The following FAM227B variants were observed in gnomAD, a reference collection of about 807,000 sequenced individuals.
The protein encoded by FAM227B is protein FAM227B.
In FAM227B, 88 loss-of-function variants were observed where a neutral mutation model predicts 73.8. The observed-to-expected ratio is 1.19, with a 90% confidence interval of 1.00 to 1.42. The LOEUF is 1.42. Among genes scored for constraint, FAM227B ranks in the 40% most tolerant of loss-of-function variants. FAM227B has a pLI of 0.00. For synonymous variants in FAM227B, 210 were observed against 190.5 expected (o/e 1.10, Z -0.84); for missense variants, 632 against 590.9 (o/e 1.07, Z -0.72).
chr15:49,368,731 C>T (rs1210834038), intron 12 of FAM227B, among the ~76,000 whole-genome samples: 1 of 152,202 alleles, frequency 6.6e-6, no homozygotes, highest in Non-Finnish European at 1.5e-5. Context: ...TTTTGCAACA[C>T]TCTTCCTGTT....
At chr15:49,438,008 G>GATGTGGTTAAAATATGTTT (rs2051270323) in intron 11 of FAM227B, among the ~76,000 whole-genome samples, 1 of 151,648 alleles carries the variant, frequency 6.6e-6, no homozygotes, top group Non-Finnish European at 1.5e-5. Flanking sequence ...GGGGAAGGGA[G>GATGTGGTTAAAATATGTTT]TCAGAAGAAA....
At chr15:49,514,157 A>G (rs528200290) in intron 10 of FAM227B, among the ~76,000 whole-genome samples, 59 of 152,148 alleles carry the variant, frequency 3.9e-4, no homozygotes, top group African/African-American at 1.4e-3. Flanking sequence ...GTTTGATGGA[A>G]ATAGAATTAC....
rs552921263 is a variant in FAM227B, at chr15:49,515,236, C to T, written c.875-6888G>A. On this transcript the variant is annotated intron_variant, in intron 10 of 15. Coordinates refer to ENST00000299338, the MANE Select transcript of FAM227B (RefSeq NM_152647.3). ...TATGTTCAAGTTAATGGATTCTTTC[C>T]TTGGGTGTGACAAGTTTATGTGATA... is the stretch of plus-strand genomic sequence containing the variant. Among the ~76,000 whole-genome samples, 3 of 152,016 alleles carry T rather than the reference C, an allele frequency of 2.0e-5. No individual in the cohort carries two copies. In the East Asian group the frequency reaches 5.8e-4, roughly 29 times the overall value.
intron 9 of FAM227B, among the ~76,000 whole-genome samples, chr15:49,542,967 A>G (rs2071297836): frequency 6.6e-6 from 1 of 152,124 alleles, no homozygotes; most frequent in African/African-American, 2.4e-5. Context: ...TGCTATAAAC[A>G]TGCGTGTGCA....
At chr15:49,610,488 A>G (rs1013918045) in intron 3 of FAM227B, among the ~76,000 whole-genome samples, 1 of 151,710 alleles carries the variant, frequency 6.6e-6, no homozygotes, top group East Asian at 1.9e-4. Flanking sequence ...TTAAAAGTAG[A>G]TATTTCTGAA....
intron 11 of FAM227B, among the ~76,000 whole-genome samples, chr15:49,439,773 C>T (rs917105923): frequency 1.6e-4 from 25 of 151,736 alleles, no homozygotes; most frequent in African/African-American, 4.8e-4. Context: ...TACCCCACTT[C>T]GTAGCATTGA....
chr15:49,524,502 A>G (rs1306172225), intron 10 of FAM227B, among the ~76,000 whole-genome samples: 1 of 152,208 alleles, frequency 6.6e-6, no homozygotes, highest in East Asian at 1.9e-4. Context: ...ACCCTCATGG[A>G]GAATCTCTGC....
At chr15:49,601,146 A>AAAAGTG in intron 3 of FAM227B, among the ~76,000 whole-genome samples, 1 of 148,116 alleles carries the variant, frequency 6.8e-6, no homozygotes, top group South Asian at 2.2e-4. Context: ...CATCACTTTT[A>AAAAGTG]ATGGCAAAAA....
chr15:49,516,305 T>G (rs926643919), intron 10 of FAM227B, among the ~76,000 whole-genome samples: 1 of 152,112 alleles, frequency 6.6e-6, no homozygotes, highest in South Asian at 2.1e-4. Flanking sequence ...TTCTCTTTTA[T>G]CCGCACACTA....
chr15:49,347,308 A>G (rs2041650040), intron 13 of FAM227B, among the ~76,000 whole-genome samples: 1 of 152,210 alleles, frequency 6.6e-6, no homozygotes, highest in South Asian at 2.1e-4. Context: ...AACATTTTTG[A>G]AGTAGGAGAC....
At chr15:49,350,147 C>T (rs1275103614) in intron 13 of FAM227B, among the ~76,000 whole-genome samples, 1 of 152,134 alleles carries the variant, frequency 6.6e-6, no homozygotes, top group African/African-American at 2.4e-5. Flanking sequence ...TTTCTTCTTA[C>T]TCAAGGCAGT....
chr15:49,432,160 T>A (rs1227201464), intron 11 of FAM227B, among the ~76,000 whole-genome samples: 1 of 151,732 alleles, frequency 6.6e-6, no homozygotes, highest in East Asian at 1.9e-4. Context: ...ATATTTCCCA[T>A]TTTATCTGGC....
chr15:49,420,523 C>T (rs11070692), intron 11 of FAM227B, among the ~76,000 whole-genome samples: 104,729 of 151,916 alleles, frequency 0.69, 36,512 homozygotes, highest in African/African-American at 0.76. Context: ...TTTGCCTGTA[C>T]AAGCATAGCG....
intron 10 of FAM227B, among the ~76,000 whole-genome samples, chr15:49,525,085 T>A (rs1278786229): frequency 1.3e-5 from 2 of 152,060 alleles, no homozygotes; most frequent in Non-Finnish European, 2.9e-5. Flanking sequence ...GAAGGCATTA[T>A]TGGTTTTGAA....
At position 49,576,777 on chromosome 15, in the gene FAM227B, T is replaced by C; in HGVS notation, c.510A>G (p.Gln170=). The change falls in exon 7 of 16, where the codon CAA becomes CAG. Residue 170 remains glutamine (Q), a synonymous_variant. Transcript: ENST00000299338. ...GGGCTTTTAAAATAAAAAGATAAAT[T>C]TGTTCAGCATCCAAATGTCTGGGTA... ...TQLPRHLDAE[Q]IYLFILKAHN... is the part of the protein sequence containing the mutation. 1.2e-6 allele frequency: 2 copies of C among 1,610,418 alleles called. No homozygotes were observed. Among genetic ancestry groups the C allele is most frequent in the Non-Finnish European group, 1.7e-6 (2 of 1,177,026 alleles).
At chr15:49,563,115 G>C (rs1486190791) in intron 9 of FAM227B, among the ~76,000 whole-genome samples, 1 of 152,010 alleles carries the variant, frequency 6.6e-6, no homozygotes, top group African/African-American at 2.4e-5. Context: ...CTGCCAAAAG[G>C]TCTGTAAGAC....
chr15:49,561,331 T>C (rs1343578257), intron 9 of FAM227B, among the ~76,000 whole-genome samples: 1 of 152,170 alleles, frequency 6.6e-6, no homozygotes, highest in Non-Finnish European at 1.5e-5. Context: ...CTTTCTTAAA[T>C]ATATACACAT....
intron 11 of FAM227B, among the ~76,000 whole-genome samples, chr15:49,427,386 A>G (rs2050219906): frequency 6.6e-6 from 1 of 152,040 alleles, no homozygotes; most frequent in Admixed American, 6.6e-5. Flanking sequence ...TGGATTGTCT[A>G]CTAGAATGAA....
intron 8 of FAM227B, among the ~76,000 whole-genome samples, chr15:49,570,570 T>C (rs1679733755): frequency 6.6e-6 from 1 of 151,784 alleles, no homozygotes; most frequent in Non-Finnish European, 1.5e-5. Context: ...CATTAAAACT[T>C]ATTTCTCTGG....
Sources: gnomAD v4.1 joint callset for allele counts (sites outside exome capture counted in the v4.1 genomes callset) on GRCh38, gnomAD v4.1.1 for gene constraint, MANE v1.5 for transcripts, NCBI Gene and HGNC (gene_info 2026-07-23, HGNC 2026-07-21) for gene names.